EVA1C: variants seen among roughly 807,000 people sequenced by gnomAD.
EVA1C encodes protein eva-1 homolog C.
In EVA1C, 25 loss-of-function variants were observed where a neutral mutation model predicts 45.4. The observed-to-expected ratio is 0.55, with a 90% CI of 0.40 to 0.77. The LOEUF is 0.77. EVA1C is among the 30% of genes least tolerant of loss of function. The pLI, the probability that EVA1C is intolerant of heterozygous loss-of-function variation, is 0.00. For missense variants in EVA1C, 479 were observed against 554.8 expected (o/e 0.86, Z 1.37); for synonymous variants, 190 against 221.2 (o/e 0.86, Z 1.25).
chr21:32,469,563 C>T lies in EVA1C; in HGVS notation c.634+1715C>T, dbSNP rs940767221. Among the ~76,000 whole-genome samples the T allele has an allele frequency of 5.3e-5, 8 of 152,254 alleles. No individual in the cohort carries two copies. The South Asian group carries it at 8.3e-4, about 16-fold the overall frequency. On this transcript the variant is annotated intron_variant, in intron 4 of 7. Coordinates refer to ENST00000300255, the MANE Select transcript of EVA1C (RefSeq NM_058187.5). ...CCTATATGATTCAGAGAAACAGAACCGATAGGATACGCAGGTGCTTGTATC... is the reference window on the plus strand; with the variant it reads ...CCTATATGATTCAGAGAAACAGAACTGATAGGATACGCAGGTGCTTGTATC...
At chr21:32,464,841 A>G (rs937759674) in intron 3 of EVA1C, among the ~76,000 whole-genome samples, 7 of 152,136 alleles carry the variant, frequency 4.6e-5, no homozygotes, top group Non-Finnish European at 8.8e-5. Flanking sequence ...AAAAGGTGAC[A>G]TTTATATTTG....
At chr21:32,490,257 C>A (rs1189076431) in intron 4 of EVA1C, among the ~76,000 whole-genome samples, 1 of 152,142 alleles carries the variant, frequency 6.6e-6, no homozygotes, top group African/African-American at 2.4e-5. Context: ...CTCCTGGCAC[C>A]CACCATTCCA....
intron 5 of EVA1C, chr21:32,497,369 A>G (rs947605529): frequency 2.5e-5 from 10 of 403,936 alleles, no homozygotes; most frequent in Non-Finnish European, 4.5e-5. Context: ...TTTCCTGGGG[A>G]AAACTTTTTT....
chr21:32,447,741 TG>T (rs2035416688), intron 1 of EVA1C, among the ~76,000 whole-genome samples: 1 of 152,166 alleles, frequency 6.6e-6, no homozygotes, highest in East Asian at 1.9e-4. Context: ...GTTTTGCTCT[TG>T]TTGCCTAGCC....
In EVA1C at chr21:32,452,736, A is replaced by C. The variant is rs1339828059; in HGVS notation, c.161-576A>C. On this transcript the variant is annotated intron_variant, in intron 1 of 7. Coordinates refer to ENST00000300255, the MANE Select transcript of EVA1C (RefSeq NM_058187.5). This position sits in a 1 kb window ranked among gnomAD's most constrained non-coding sequence, Gnocchi z 4.0. ...GGAGCCAGAAGGGGGATGGAGTGGG[A>C]AGGTGGTCTTCCCCTAGAGTTGGGC... 6.6e-6 allele frequency: 1 copy of C among 152,288 alleles called. No individual in the cohort carries two copies. The highest frequency in any genetic ancestry group is 1.5e-5 in the Non-Finnish European group (1 of 68,056). The allele number at this position is 152,288 out of a possible 1,614,324, so 9.4% of individuals were successfully genotyped here. A position where few individuals can be genotyped will look rare whatever the true frequency, so the allele number is the denominator to read the frequency against.
chr21:32,496,454 G>A (rs2037355329), intron 5 of EVA1C, among the ~76,000 whole-genome samples: 1 of 152,212 alleles, frequency 6.6e-6, no homozygotes, highest in Non-Finnish European at 1.5e-5. Flanking sequence ...CTACATAAAT[G>A]TATTACCAAA....
chr21:32,416,037 G>A (rs1476101434), intron 1 of EVA1C, among the ~76,000 whole-genome samples: 1 of 152,204 alleles, frequency 6.6e-6, no homozygotes, highest in African/African-American at 2.4e-5. Context: ...TTTGTTCAGA[G>A]AACAAGACAG....
chr21:32,427,600 T>C (rs12483147), intron 1 of EVA1C, among the ~76,000 whole-genome samples: 152,193 of 152,200 alleles, frequency 1, 76,093 homozygotes, highest in Non-Finnish European at 1. Flanking sequence ...GTAGTCCCAG[T>C]TACTCGGGAG....
intron 1 of EVA1C, among the ~76,000 whole-genome samples, chr21:32,426,729 A>G (rs1479225247): frequency 1.3e-5 from 2 of 152,190 alleles, no homozygotes; most frequent in Admixed American, 6.5e-5. Flanking sequence ...CCCTGCCCAG[A>G]GGCCTCAAGA....
intron 1 of EVA1C, among the ~76,000 whole-genome samples, chr21:32,421,967 C>A (rs572408373): frequency 6.9e-6 from 1 of 145,606 alleles, no homozygotes; most frequent in African/African-American, 2.6e-5. Flanking sequence ...ATCACTGGAA[C>A]CTGGGAGGTG....
intron 3 of EVA1C, among the ~76,000 whole-genome samples, chr21:32,459,336 C>T (rs1420110367): frequency 6.6e-6 from 1 of 152,214 alleles, no homozygotes; most frequent in African/African-American, 2.4e-5. Context: ...TCCCTCCGCC[C>T]CTAGGCATTG....
At chr21:32,431,679 A>G in intron 1 of EVA1C, among the ~76,000 whole-genome samples, 1 of 152,222 alleles carries the variant, frequency 6.6e-6, no homozygotes, top group East Asian at 1.9e-4. Context: ...CCAGACACAG[A>G]AGCGTTGCAA....
chr21:32,496,516 C>T (rs1274248094), intron 5 of EVA1C, among the ~76,000 whole-genome samples: 8 of 152,220 alleles, frequency 5.3e-5, no homozygotes, highest in Non-Finnish European at 2.9e-5. Flanking sequence ...CCTGCTCTGT[C>T]TTTATTCCTG....
intron 1 of EVA1C, among the ~76,000 whole-genome samples, chr21:32,428,074 C>T (rs1171076900): frequency 2.6e-5 from 4 of 152,152 alleles, no homozygotes; most frequent in African/African-American, 2.4e-5. Context: ...ACTGAAGCAT[C>T]GTATCTGACC....
rs1196496541 is a variant in EVA1C at position 32,474,980 on chromosome 21, C to T, written c.634+7132C>T. ...CCCATTTACTACTGCAGCTCAGCCT[C>T]GCTGCTTTCAAGGGGAAAAGGGTCT... On this transcript the variant is annotated intron_variant, in intron 4 of 7. Transcript: ENST00000300255. The surrounding 1 kb of genome is among the most constrained non-coding windows in gnomAD (Gnocchi z 4.4). 6.6e-6 allele frequency among the ~76,000 whole-genome samples: 1 copy of T among 152,182 alleles called. No individual in the cohort carries two copies. The highest frequency in any genetic ancestry group is 2.4e-5 in the African/African-American group (1 of 41,442).
intron 3 of EVA1C, among the ~76,000 whole-genome samples, chr21:32,464,994 T>C (rs563944003): frequency 4.6e-5 from 7 of 152,304 alleles, no homozygotes; most frequent in Admixed American, 4.6e-4. Flanking sequence ...CAAATTGTGA[T>C]TGCAGCCCAT....
chr21:32,468,902 C>A (rs1256512716), intron 4 of EVA1C, among the ~76,000 whole-genome samples: 2 of 152,178 alleles, frequency 1.3e-5, no homozygotes, highest in African/African-American at 4.8e-5. Context: ...TAGGGTTATA[C>A]ACAGGGCGCC....
chr21:32,431,316 T>G (rs758443229), intron 1 of EVA1C, among the ~76,000 whole-genome samples: 207 of 152,244 alleles, frequency 1.4e-3, no homozygotes, highest in Non-Finnish European at 4.6e-4. Flanking sequence ...GCTCCTGTTT[T>G]GAGTCACCAT....
In EVA1C at chr21:32,477,270, G is replaced by A. The variant is rs115425733; in HGVS notation, c.634+9422G>A. ...ACATTTTCTCTAACATACCCCTCAA[G>A]GTCCCCCCAACTCGTGCTCACTGCC... On this transcript the variant is annotated intron_variant, in intron 4 of 7. Coordinates refer to ENST00000300255, the MANE Select transcript of EVA1C (RefSeq NM_058187.5). Among the ~76,000 whole-genome samples, 540 of 152,102 alleles carry A rather than the reference G, an allele frequency of 3.6e-3. 9 individuals are homozygous for A. The highest frequency in any genetic ancestry group is 0.013 in the African/African-American group (522 of 41,476).
Sources: gnomAD v4.1 joint callset for allele counts (sites outside exome capture counted in the v4.1 genomes callset) on GRCh38, gnomAD v4.1.1 for gene constraint, Gnocchi (gnomAD v3.1) non-coding constraint, MANE v1.5 for transcripts, NCBI Gene and HGNC (gene_info 2026-07-23, HGNC 2026-07-21) for gene names.